The following MAST4 variants were observed in gnomAD, a reference collection of about 807,000 sequenced individuals.
MAST4 encodes the protein microtubule associated serine/threonine kinase family member 4.
Under a neutral mutation model 162.7 loss-of-function variants are expected in MAST4, and 89 were observed. The ratio of observed to expected loss-of-function variants is 0.55; its 90% CI spans 0.46 to 0.65. The LOEUF (loss-of-function observed/expected upper bound fraction) is 0.65, where lower values mean the gene tolerates loss of function less well. MAST4 is among the 30% of genes least tolerant of loss of function. The pLI is 0.00. For missense variants in MAST4, 3,153 were observed against 3,374.0 expected (o/e 0.93, Z 1.62); for synonymous variants, 1,479 against 1,361.1 (o/e 1.09, Z -1.91).
At chr5:67,010,079 T>C in intron 4 of MAST4, among the ~76,000 whole-genome samples, 1 of 152,202 alleles carries the variant, frequency 6.6e-6, no homozygotes, top group East Asian at 1.9e-4. Flanking sequence ...TGCCCCTTTT[T>C]TCCCCTAAAG....
intron 4 of MAST4, among the ~76,000 whole-genome samples, chr5:67,023,485 A>T (rs1053336128): frequency 2.0e-5 from 3 of 152,170 alleles, no homozygotes; most frequent in Admixed American, 2.0e-4. Context: ...CAGTGTTTCC[A>T]GAGCCCATTG....
At chr5:66,780,538 T>C in intron 2 of MAST4, among the ~76,000 whole-genome samples, 1 of 152,050 alleles carries the variant, frequency 6.6e-6, no homozygotes, top group South Asian at 2.1e-4. Context: ...CTCTTAAAGG[T>C]CGTGCGGACC....
chr5:66,746,691 G>A (rs1019073840), intron 1 of MAST4, among the ~76,000 whole-genome samples: 2 of 152,162 alleles, frequency 1.3e-5, no homozygotes, highest in Non-Finnish European at 2.9e-5. Context: ...TGCTGATGGG[G>A]ACTTGATGGT....
chr5:66,624,742 A>C (rs751268887), intron 1 of MAST4, among the ~76,000 whole-genome samples: 2 of 152,208 alleles, frequency 1.3e-5, no homozygotes, highest in Non-Finnish European at 2.9e-5. Flanking sequence ...ATAAACCTAC[A>C]TATTTATGGT....
intron 1 of MAST4, among the ~76,000 whole-genome samples, chr5:66,692,107 A>G (rs922666717): frequency 2.6e-5 from 4 of 152,118 alleles, no homozygotes; most frequent in African/African-American, 7.2e-5. Context: ...CAGGTATATT[A>G]TATAAAGTAT....
chr5:66,703,789 A>T (rs1422908496), intron 1 of MAST4, among the ~76,000 whole-genome samples: 2 of 152,200 alleles, frequency 1.3e-5, no homozygotes, highest in African/African-American at 4.8e-5. Flanking sequence ...AGATCAAATC[A>T]GGAGGAAAGA....
rs897533093 is a variant in MAST4 at position 66,731,288 on chromosome 5, G to C, written c.364-28421G>C. Among the ~76,000 whole-genome samples the C allele has an allele frequency of 4.7e-5, 7 of 147,564 alleles. 1 individual carries two copies. Among genetic ancestry groups the C allele is most frequent in the Admixed American group, 4.0e-4 (6 of 15,120 alleles). On this transcript the variant is annotated intron_variant, in intron 1 of 28. Coordinates refer to ENST00000403625, the MANE Select transcript of MAST4 (RefSeq NM_001164664.2). ...CATCTGTTATCTGCAGAGACACTGGGGTATATCTGCCAGACGTTTGCATAT... is the reference window on the plus strand; with the variant it reads ...CATCTGTTATCTGCAGAGACACTGGCGTATATCTGCCAGACGTTTGCATAT...
intron 2 of MAST4, among the ~76,000 whole-genome samples, chr5:66,787,410 A>G (rs577321736): frequency 3.0e-4 from 46 of 152,222 alleles, no homozygotes; most frequent in Admixed American, 5.2e-4. Flanking sequence ...TCTGCAACTA[A>G]AATACAAATT....
chr5:67,070,131 T>A (rs1191838982), intron 5 of MAST4, among the ~76,000 whole-genome samples: 1 of 152,196 alleles, frequency 6.6e-6, no homozygotes, highest in Non-Finnish European at 1.5e-5. Flanking sequence ...GGTGCTCTTA[T>A]GCCATTATTT....
chr5:66,889,264 G>A (rs1413884539), intron 3 of MAST4, among the ~76,000 whole-genome samples: 1 of 152,124 alleles, frequency 6.6e-6, no homozygotes, highest in Admixed American at 6.5e-5. Context: ...GCTCACTGTA[G>A]GTCACAGGCT....
At chr5:66,849,279 A>G (rs867613117) in intron 3 of MAST4, among the ~76,000 whole-genome samples, 2 of 152,238 alleles carry the variant, frequency 1.3e-5, no homozygotes, top group African/African-American at 4.8e-5. Context: ...TTCGAAGCTG[A>G]GGAAGCAGGC....
At chr5:66,940,187 A>G (rs1194125048) in intron 4 of MAST4, among the ~76,000 whole-genome samples, 5 of 152,164 alleles carry the variant, frequency 3.3e-5, no homozygotes. Context: ...GCCTTCAGCA[A>G]GTCATAATCT....
chr5:66,613,493 C>A (rs945856006), intron 1 of MAST4, among the ~76,000 whole-genome samples: 1 of 152,056 alleles, frequency 6.6e-6, no homozygotes, highest in Non-Finnish European at 1.5e-5. Context: ...GCTGGAAAAA[C>A]TTCTTCAAGG....
chr5:66,964,470 A>G (rs1746410676), intron 4 of MAST4, among the ~76,000 whole-genome samples: 1 of 151,766 alleles, frequency 6.6e-6, no homozygotes, highest in Non-Finnish European at 1.5e-5. Flanking sequence ...GAAGACACAC[A>G]TAGTGTACCC....
At chr5:67,080,517 T>A (rs548552589) in intron 5 of MAST4, among the ~76,000 whole-genome samples, 2 of 152,166 alleles carry the variant, frequency 1.3e-5, no homozygotes, top group African/African-American at 4.8e-5. Flanking sequence ...ATCACACTTA[T>A]CAATTATTTT....
At chr5:67,098,032 TG>T (rs1451766909) in intron 7 of MAST4, among the ~76,000 whole-genome samples, 1 of 152,154 alleles carries the variant, frequency 6.6e-6, no homozygotes, top group African/African-American at 2.4e-5. Flanking sequence ...CTTATTTCCC[TG>T]GGTTAACTGT....
At chr5:67,040,666 G>A (rs1756637566) in intron 4 of MAST4, among the ~76,000 whole-genome samples, 1 of 152,180 alleles carries the variant, frequency 6.6e-6, no homozygotes, top group Non-Finnish European at 1.5e-5. Flanking sequence ...CAAAAGTCTG[G>A]TTTGGTTGGT....
chr5:66,960,624 T>A (rs1163988160), intron 4 of MAST4, among the ~76,000 whole-genome samples: 2 of 152,184 alleles, frequency 1.3e-5, no homozygotes, highest in Admixed American at 6.5e-5. Context: ...GGCATTAACC[T>A]CCCGCTTTGC....
intron 1 of MAST4, among the ~76,000 whole-genome samples, chr5:66,713,876 C>A (rs1177628510): frequency 6.6e-6 from 1 of 152,086 alleles, no homozygotes; most frequent in African/African-American, 2.4e-5. Flanking sequence ...TCATGATGGT[C>A]TAGTTCTGTC....
Sources: allele counts gnomAD v4.1 joint callset (sites outside exome capture counted in the v4.1 genomes callset), GRCh38; gene constraint gnomAD v4.1.1; transcripts MANE v1.5; gene names NCBI Gene and HGNC (gene_info 2026-07-23, HGNC 2026-07-21).